The following ADAMTS2 variants were observed in gnomAD, a reference collection of about 807,000 sequenced individuals.
ADAMTS2 encodes A disintegrin and metalloproteinase with thrombospondin motifs 2.
ADAMTS2 carries 50 observed loss-of-function variants against 123.0 expected under a neutral mutation model. The ratio of observed to expected loss-of-function variants is 0.41; its 90% CI spans 0.32 to 0.51. The LOEUF (loss-of-function observed/expected upper bound fraction) is 0.51. ADAMTS2 is among the 20% of genes least tolerant of loss of function. The pLI is 0.35. For synonymous variants in ADAMTS2, 678 were observed against 695.4 expected (o/e 0.98, Z 0.39); for missense variants, 1,494 against 1,705.2 (o/e 0.88, Z 2.18).
intron 5 of ADAMTS2, among the ~76,000 whole-genome samples, chr5:179,173,094 C>T (rs1266694812): frequency 6.6e-6 from 1 of 151,072 alleles, no homozygotes; most frequent in East Asian, 1.9e-4. Context: ...TGCCTGTAGT[C>T]CAAGCTACTT....
At chr5:179,114,371 G>T (rs1343997816) in intron 21 of ADAMTS2, 47 bp from the exon 22 acceptor site, 1 of 1,565,870 alleles carries the variant, frequency 6.4e-7, no homozygotes, top group Non-Finnish European at 8.7e-7. Flanking sequence ...AGATAAGGGG[G>T]ACTTTGTTCC....
chr5:179,224,295 G>A lies in ADAMTS2; in HGVS notation c.689-16580C>T, dbSNP rs530253915. On this transcript the variant is annotated intron_variant, in intron 3 of 21. Transcript: ENST00000251582. ...TGGCTCCCGGCACACCCTGACATCC[G>A]TAGGCGCCATCCTGACAACACGCTG... 1.2e-4 allele frequency among the ~76,000 whole-genome samples: 18 copies of A among 152,250 alleles called. No individual in the cohort carries two copies. The South Asian group carries it at 2.3e-3, about 19-fold the overall frequency.
At chr5:179,281,674 A>G (rs1251806261) in intron 2 of ADAMTS2, among the ~76,000 whole-genome samples, 3 of 152,176 alleles carry the variant, frequency 2.0e-5, no homozygotes, top group South Asian at 2.1e-4. Flanking sequence ...TTGTGTGGAC[A>G]TGTGTTTTCA....
At chr5:179,236,310 G>C (rs534566217) in intron 3 of ADAMTS2, among the ~76,000 whole-genome samples, 3 of 152,174 alleles carry the variant, frequency 2.0e-5, no homozygotes, top group Non-Finnish European at 4.4e-5. Flanking sequence ...TTGGGGAAGA[G>C]GGACGCCAAT....
In ADAMTS2 at chr5:179,280,792, C is replaced by T. The variant is rs574511720; in HGVS notation, c.535-7728G>A. On this transcript the variant is annotated intron_variant, in intron 2 of 21. Coordinates refer to ENST00000251582, the MANE Select transcript of ADAMTS2 (RefSeq NM_014244.5). ...GTCAGCACCAAACTGAGACTCCCCT[C>T]GACTCAACCAGAGAGTTTAAAATGC... 1.1e-4 allele frequency among the ~76,000 whole-genome samples: 16 copies of T among 152,286 alleles called. 1 individual carries two copies. The South Asian group carries it at 2.5e-3, about 24-fold the overall frequency.
chr5:179,209,871 T>C (rs1351517465), intron 3 of ADAMTS2, among the ~76,000 whole-genome samples: 2 of 151,816 alleles, frequency 1.3e-5, no homozygotes, highest in African/African-American at 2.4e-5. Flanking sequence ...GGAAGGAGAG[T>C]GATGGCAATT....
chr5:179,214,144 C>T (rs1214475400), intron 3 of ADAMTS2, among the ~76,000 whole-genome samples: 1 of 109,084 alleles, frequency 9.2e-6, no homozygotes, highest in Non-Finnish European at 2.2e-5. Context: ...CCCACAGTCA[C>T]CATTACTGAG....
intron 2 of ADAMTS2, among the ~76,000 whole-genome samples, chr5:179,319,859 A>G (rs1202954020): frequency 1.3e-5 from 2 of 152,020 alleles, no homozygotes; most frequent in Admixed American, 1.3e-4. Flanking sequence ...CCAGGTCCCC[A>G]CTGGTCAGCA....
chr5:179,223,877 C>T (rs1274101793), intron 3 of ADAMTS2, among the ~76,000 whole-genome samples: 3 of 152,372 alleles, frequency 2.0e-5, no homozygotes, highest in South Asian at 4.1e-4. Flanking sequence ...ACAGGCTCTA[C>T]AGTGAACTCC....
intron 2 of ADAMTS2, among the ~76,000 whole-genome samples, chr5:179,333,841 C>T (rs546092101): frequency 4.6e-5 from 7 of 152,188 alleles, no homozygotes; most frequent in Admixed American, 3.9e-4. Context: ...CTCAAGTGAT[C>T]TGCCCGCCTC....
At position 179,260,851 on chromosome 5, in the gene ADAMTS2, G is replaced by A. The variant is rs1039066320; in HGVS notation, c.688+12060C>T. Among the ~76,000 whole-genome samples, 7 of 152,104 alleles carry A rather than the reference G, an allele frequency of 4.6e-5. No individual in the cohort carries two copies. The highest frequency in any genetic ancestry group is 1.7e-4 in the African/African-American group (7 of 41,406). On this transcript the variant is annotated intron_variant, in intron 3 of 21. Coordinates refer to ENST00000251582, the MANE Select transcript of ADAMTS2 (RefSeq NM_014244.5). This position sits in a 1 kb window ranked among gnomAD's most constrained non-coding sequence, Gnocchi z 4.2. Reference sequence around the variant, plus strand: ...GTTCTTCTTGCTCCCTGCTGTTCCCGCTACTGCTTGGACAGTGGTAGCCCT... The same window carrying A: ...GTTCTTCTTGCTCCCTGCTGTTCCCACTACTGCTTGGACAGTGGTAGCCCT...
intron 10 of ADAMTS2, among the ~76,000 whole-genome samples, chr5:179,151,791 C>T (rs940589514): frequency 2.6e-5 from 4 of 152,130 alleles, no homozygotes; most frequent in African/African-American, 9.7e-5. Flanking sequence ...ATGCTGGGCC[C>T]GAGGACTCCA....
intron 2 of ADAMTS2, among the ~76,000 whole-genome samples, chr5:179,326,857 A>C (rs921879304): frequency 1.3e-5 from 2 of 152,052 alleles, no homozygotes; most frequent in Non-Finnish European, 2.9e-5. Context: ...AACTGAAGTC[A>C]TGGGAAGGAG....
At chr5:179,152,396 G>T in intron 9 of ADAMTS2, 141 bp from the exon 10 acceptor site, 1 of 822,352 alleles carries the variant, frequency 1.2e-6, no homozygotes. Flanking sequence ...TGGGTGTTGT[G>T]ATTCTGGGGT....
At chr5:179,249,466 G>C (rs1229337757) in intron 3 of ADAMTS2, among the ~76,000 whole-genome samples, 1 of 152,038 alleles carries the variant, frequency 6.6e-6, no homozygotes, top group African/African-American at 2.4e-5. Context: ...CCAAAAGCTG[G>C]TTCTTTGAAA....
chr5:179,210,000 T>C (rs1764813550), intron 3 of ADAMTS2, among the ~76,000 whole-genome samples: 1 of 152,224 alleles, frequency 6.6e-6, no homozygotes, highest in Non-Finnish European at 1.5e-5. Context: ...AGGCACTCGT[T>C]GAGGTCACGT....
At chr5:179,220,872 G>T (rs1195596571) in intron 3 of ADAMTS2, among the ~76,000 whole-genome samples, 1 of 152,192 alleles carries the variant, frequency 6.6e-6, no homozygotes, top group African/African-American at 2.4e-5. Flanking sequence ...GGTCCCCTGG[G>T]AAGAGCTTGC....
chr5:179,291,082 A>C (rs1756173722), intron 2 of ADAMTS2, among the ~76,000 whole-genome samples: 1 of 152,154 alleles, frequency 6.6e-6, no homozygotes, highest in Non-Finnish European at 1.5e-5. Flanking sequence ...AGCCACCCTC[A>C]CTGGCCAGGA....
Position 179,303,272 on chromosome 5 carries a change from AAC to A in ADAMTS2, c.535-30210_535-30209del, listed in dbSNP as rs1756581790. Among the ~76,000 whole-genome samples, 1 of 152,134 alleles carries A rather than the reference AAC, an allele frequency of 6.6e-6. No homozygotes were observed. Among genetic ancestry groups the A allele is most frequent in the Non-Finnish European group, 1.5e-5 (1 of 68,020 alleles). On this transcript the variant is annotated intron_variant, in intron 2 of 21. Transcript: ENST00000251582. This position sits in a 1 kb window ranked among gnomAD's most constrained non-coding sequence, Gnocchi z 4.7. ...GTCCCTCCCTGATTATAAACCGCTC[AAC>A]ACATAGAGAGGTCCCTAGGAGAAGG...
Sources: allele counts gnomAD v4.1 joint callset (sites outside exome capture counted in the v4.1 genomes callset), GRCh38; gene constraint gnomAD v4.1.1; non-coding constraint Gnocchi (gnomAD v3.1); transcripts MANE v1.5; gene names NCBI Gene and HGNC (gene_info 2026-07-23, HGNC 2026-07-21).